The following PTPRG variants were observed in gnomAD, a reference collection of about 807,000 sequenced individuals.
PTPRG encodes protein tyrosine phosphatase receptor type G.
PTPRG carries 102 observed loss-of-function variants against 165.3 expected under a neutral mutation model. That is an observed-to-expected ratio of 0.62 (90% CI 0.53 to 0.73). The LOEUF is 0.73. Among genes scored for constraint, PTPRG ranks in the 30% least tolerant of loss-of-function variants. The pLI is 0.00. For synonymous variants in PTPRG, 675 were observed against 669.5 expected, an observed-to-expected ratio of 1.01 and a Z score of -0.13; for missense variants, 1,866 against 1,861.4, an observed-to-expected ratio of 1.00 and a Z score of -0.05.
intron 2 of PTPRG, among the ~76,000 whole-genome samples, chr3:61,802,935 G>C (rs977408585): frequency 6.6e-6 from 1 of 152,278 alleles, no homozygotes; most frequent in Non-Finnish European, 1.5e-5. Context: ...GCACCTGGTA[G>C]GTTCATCTTC....
rs188950924 is a variant in PTPRG at position 62,270,663 on chromosome 3, C to T, written c.3010-720C>T. On this transcript the variant is annotated intron_variant, in intron 20 of 29. Coordinates refer to ENST00000474889, the MANE Select transcript of PTPRG (RefSeq NM_002841.4). ...CATCATGGGCCTTTGTACAATAGCA[C>T]AGGACCAGACACACTTCAAGCTTCA... is the stretch of plus-strand genomic sequence containing the variant. Among the ~76,000 whole-genome samples the T allele has an allele frequency of 2.0e-5, 3 of 152,244 alleles. 1 individual carries two copies. Among genetic ancestry groups the T allele is most frequent in the Admixed American group, 2.0e-4 (3 of 15,284 alleles).
At chr3:61,839,059 C>G (rs1050291877) in intron 2 of PTPRG, among the ~76,000 whole-genome samples, 4 of 151,994 alleles carry the variant, frequency 2.6e-5, no homozygotes, top group African/African-American at 4.8e-5. Context: ...TGTGTTCCTA[C>G]CAGAAAAATT....
intron 2 of PTPRG, among the ~76,000 whole-genome samples, chr3:61,974,231 C>CT (rs111798966): frequency 0.13 from 19,173 of 151,774 alleles, 1,374 homozygotes; most frequent in African/African-American, 0.19. Flanking sequence ...GTACATGGAA[C>CT]TTTTTTTGTA....
At chr3:61,878,564 G>A (rs1042358946) in intron 2 of PTPRG, among the ~76,000 whole-genome samples, 3 of 152,164 alleles carry the variant, frequency 2.0e-5, no homozygotes, top group African/African-American at 7.2e-5. Flanking sequence ...CAGGATCAGG[G>A]CTCACTGTAG....
At chr3:61,719,788 C>T (rs1036736600) in intron 1 of PTPRG, among the ~76,000 whole-genome samples, 1 of 152,144 alleles carries the variant, frequency 6.6e-6, no homozygotes, top group Non-Finnish European at 1.5e-5. Flanking sequence ...TCTGCTCTAG[C>T]GACCCTGGAC....
chr3:61,582,501 C>T (rs184218432), intron 1 of PTPRG, among the ~76,000 whole-genome samples: 7 of 152,172 alleles, frequency 4.6e-5, no homozygotes, highest in East Asian at 3.9e-4. Flanking sequence ...TCCGAAGTGG[C>T]GAGTGCAGCC....
rs142191522 is a variant in PTPRG at position 62,273,780 on chromosome 3, G to A, written c.3401G>A (p.Ser1134Asn). Residue 1134 changes from serine (S) to asparagine (N), a missense_variant, in exon 23 of 30, where the codon AGC becomes AAC. By Grantham distance (46) the Ser-to-Asn change is conservative. Around this residue, in one of 3 missense-constraint regions of PTPRG, gnomAD observed 1,452 missense variants for 1,463.0 expected, o/e 0.99. Coordinates refer to ENST00000474889, the MANE Select transcript of PTPRG (RefSeq NM_002841.4). The surrounding 1 kb of genome is among the most constrained non-coding windows in gnomAD (Gnocchi z 4.1). ...GAAGTATCTTCAAATCAGCTGCACAGCTATGTTAACAGCATCCTTATACCA... is the reference window on the plus strand; with the variant it reads ...GAAGTATCTTCAAATCAGCTGCACAACTATGTTAACAGCATCCTTATACCA... The part of the protein sequence containing the change: ...ETEVSSNQLH[S>N]YVNSILIPGV... 200 of 1,613,650 alleles carry A rather than the reference G, an allele frequency of 1.2e-4. No individual in the cohort carries two copies. Among genetic ancestry groups the A allele is most frequent in the Non-Finnish European group, 1.6e-4 (186 of 1,179,760 alleles).
rs199566510 is a variant in PTPRG, at chr3:62,081,259, AAC to A, written c.615+3003_615+3004del. ...GCGACAGAGTGAGACTCCGTCTCAA[AAC>A]AAACAAACAAACAAACAAACAAACA... is the stretch of plus-strand genomic sequence containing the variant. On this transcript the variant is annotated intron_variant, in intron 5 of 29. Coordinates refer to ENST00000474889, the MANE Select transcript of PTPRG (RefSeq NM_002841.4). Among the ~76,000 whole-genome samples, 18 of 72,992 alleles carry A rather than the reference AAC, an allele frequency of 2.5e-4. 2 individuals are homozygous for A. The highest frequency in any genetic ancestry group is 9.6e-4 in the African/African-American group (17 of 17,676). 47.9% of individuals were successfully genotyped at this position (72,992 alleles called of 152,430 possible).
At chr3:62,161,794 G>T (rs528561880) in intron 7 of PTPRG, among the ~76,000 whole-genome samples, 10 of 152,308 alleles carry the variant, frequency 6.6e-5, no homozygotes, top group African/African-American at 2.2e-4. Flanking sequence ...AATTTCGGAT[G>T]CTCCAGGCTA....
chr3:61,603,850 G>A (rs1700929302), intron 1 of PTPRG, among the ~76,000 whole-genome samples: 1 of 152,094 alleles, frequency 6.6e-6, no homozygotes, highest in East Asian at 1.9e-4. Flanking sequence ...CCTACCATCA[G>A]TGTCTCTCTC....
At chr3:62,098,111 T>C (rs1576000055) in intron 5 of PTPRG, among the ~76,000 whole-genome samples, 1 of 152,296 alleles carries the variant, frequency 6.6e-6, no homozygotes, top group South Asian at 2.1e-4. Context: ...TAATATCAAT[T>C]TACTCTTCTA....
intron 2 of PTPRG, among the ~76,000 whole-genome samples, chr3:61,804,310 G>C (rs1245981367): frequency 6.6e-6 from 1 of 152,198 alleles, no homozygotes. Flanking sequence ...TGTGGACTTG[G>C]AGGGGCAATC....
intron 2 of PTPRG, among the ~76,000 whole-genome samples, chr3:61,917,736 C>T (rs1042057625): frequency 3.9e-5 from 6 of 152,152 alleles, no homozygotes; most frequent in Admixed American, 6.5e-5. Flanking sequence ...TTGAGACCAG[C>T]CTGGCCGACA....
At chr3:62,262,178 C>T (rs1429379881) in intron 16 of PTPRG, 1 of 152,106 alleles carries the variant, frequency 6.6e-6, no homozygotes, top group African/African-American at 2.4e-5. Flanking sequence ...AGAAGGATAA[C>T]TTTTAAAATA....
intron 8 of PTPRG, among the ~76,000 whole-genome samples, chr3:62,171,782 G>A (rs1705226222): frequency 1.3e-5 from 2 of 151,860 alleles, no homozygotes; most frequent in African/African-American, 2.4e-5. Context: ...ACACATCAGT[G>A]TTTTTTACTG....
intron 1 of PTPRG, among the ~76,000 whole-genome samples, chr3:61,614,654 C>T (rs983104940): frequency 2.0e-5 from 3 of 152,090 alleles, no homozygotes; most frequent in Non-Finnish European, 4.4e-5. Context: ...TCAAGCAATC[C>T]ACCCGCTTTG....
chr3:62,280,875 A>G (rs148449481), intron 26 of PTPRG, among the ~76,000 whole-genome samples: 170 of 152,132 alleles, frequency 1.1e-3, no homozygotes, highest in African/African-American at 3.9e-3. Context: ...AAGATGTAAA[A>G]TAAATCAAGA....
intron 1 of PTPRG, among the ~76,000 whole-genome samples, chr3:61,653,075 A>G (rs1300419763): frequency 6.6e-6 from 1 of 152,128 alleles, no homozygotes; most frequent in Non-Finnish European, 1.5e-5. Flanking sequence ...GGGAAAAGTA[A>G]TTTTTTTTAA....
At position 61,989,950 on chromosome 3, in the gene PTPRG, A is replaced by G. The variant is rs1178291044; in HGVS notation, c.370+146A>G. ...TCAGTCCTTAGTTTCAGAACAAGTT[A>G]TGTAACTCAGTAAATCACTCTGTGG... On this transcript the variant is annotated intron_variant, in intron 3 of 29. Transcript: ENST00000474889. 5 of 810,382 alleles carry G rather than the reference A, an allele frequency of 6.2e-6. No homozygotes were observed. In the East Asian group the frequency reaches 1.3e-4, roughly 22 times the overall value. 50.2% of individuals were successfully genotyped at this position (810,382 alleles called of 1,614,324 possible).
Sources: gnomAD v4.1 joint callset for allele counts (sites outside exome capture counted in the v4.1 genomes callset) on GRCh38, gnomAD v4.1.1 for gene constraint, gnomAD v4.1.1 regional missense constraint, Gnocchi (gnomAD v3.1) non-coding constraint, MANE v1.5 for transcripts, NCBI Gene and HGNC (gene_info 2026-07-23, HGNC 2026-07-21) for gene names.